UGT2B28: variants seen among roughly 807,000 people sequenced by gnomAD.
The protein encoded by UGT2B28 is UDP glucuronosyltransferase family 2 member B28.
In UGT2B28, 45 loss-of-function variants were observed where a neutral mutation model predicts 43.6. That is an observed-to-expected ratio of 1.03 (90% CI 0.81 to 1.32). The LOEUF is 1.32. Ranked by LOEUF, UGT2B28 falls within the 40% of genes most tolerant of loss-of-function variation. UGT2B28 has a pLI of 0.00. For synonymous variants in UGT2B28, 204 were observed against 208.1 expected (o/e 0.98, Z 0.17); for missense variants, 649 against 625.5 (o/e 1.04, Z -0.40).
rs1383844409 is a variant in UGT2B28, at chr4:69,291,877, C to T, written c.1310+1066C>T. Among the ~76,000 whole-genome samples, 3 of 139,822 alleles carry T rather than the reference C, an allele frequency of 2.1e-5. 1 individual carries two copies. The highest frequency in any genetic ancestry group is 8.4e-5 in the African/African-American group (3 of 35,786). The allele number at this position is 139,822 out of a possible 152,430, so 91.7% of individuals were successfully genotyped here. ...CAATTCCTCCACACTGTTGTCAAAC[C>T]CCTTATTGTCTGTCTTTTTGTTACA... is the stretch of plus-strand genomic sequence containing the variant. On this transcript the variant is annotated intron_variant, in intron 5 of 5. Coordinates refer to ENST00000335568, the MANE Select transcript of UGT2B28 (RefSeq NM_053039.2).
chr4:69,294,886 G>T lies in UGT2B28; in HGVS notation c.*77G>T. 5 of 1,362,800 alleles carry T rather than the reference G, an allele frequency of 3.7e-6. No homozygotes were observed. The highest frequency in any genetic ancestry group is 2.0e-5 in the South Asian group (1 of 50,796). 84.4% of individuals were successfully genotyped at this position (1,362,800 alleles called of 1,614,324 possible). ...TTATTCCAGCAAGAAAGAAAAGATT[G>T]TTATGCAAGATTTCTTTCTTCCTGT... is the stretch of plus-strand genomic sequence containing the variant. On this transcript the variant is annotated 3_prime_UTR_variant, in exon 6 of 6. Transcript: ENST00000335568.
Position 69,290,625 on chromosome 4 carries a change from G to A in UGT2B28, c.1124G>A (p.Gly375Asp), listed in dbSNP as rs746695234. 5.8e-6 allele frequency: 9 copies of A among 1,559,016 alleles called. 2 individuals are homozygous for A. The highest frequency in any genetic ancestry group is 4.6e-5 in the African/African-American group (3 of 65,862). Residue 375 changes from glycine to aspartate, a missense_variant, in exon 5 of 6, where the codon GGT (glycine) becomes GAT (aspartate). Physicochemically the swap from Gly to Asp is moderately conservative, Grantham distance 94. Transcript: ENST00000335568. ...AAAACCAGAGCTTTTATAACTCATG[G>A]TGGAGCCAATGGCATCTATGAGGCA... Reference protein sequence around the residue: ...LPKTRAFITHGGANGIYEAIY... With the variant: ...LPKTRAFITHDGANGIYEAIY...
At chr4:69,286,319 A>C (rs1426416957) in intron 2 of UGT2B28, among the ~76,000 whole-genome samples, 1 of 141,224 alleles carries the variant, frequency 7.1e-6, no homozygotes, top group Non-Finnish European at 1.5e-5. Flanking sequence ...AACTAAAAGA[A>C]TTCTACAGAA....
intron 2 of UGT2B28, among the ~76,000 whole-genome samples, chr4:69,284,514 G>A (rs1723712458): frequency 7.1e-6 from 1 of 140,058 alleles, no homozygotes; most frequent in Non-Finnish European, 1.5e-5. Context: ...AGAGACAAAA[G>A]CTGAGGTAAA....
At position 69,285,539 on chromosome 4, in the gene UGT2B28, C is replaced by T. The variant is rs546902508; in HGVS notation, c.871-1213C>T. On this transcript the variant is annotated intron_variant, in intron 2 of 5. Transcript: ENST00000335568. ...CAATCACACACAACACCTAGAAGCC[C>T]CAGGTATTACGTGGAATAGTAGTAC... Among the ~76,000 whole-genome samples, 295 of 139,434 alleles carry T rather than the reference C, an allele frequency of 2.1e-3. 65 individuals carry two copies. The highest frequency in any genetic ancestry group is 8.1e-3 in the African/African-American group (288 of 35,534). The allele number at this position is 139,434 out of a possible 152,430, so 91.5% of individuals were successfully genotyped here. A position where few individuals can be genotyped will look rare whatever the true frequency, so the allele number is the denominator to read the frequency against.
intron 2 of UGT2B28, 62 bp downstream of exon 2, chr4:69,282,724 T>C (rs977562300): frequency 6.6e-7 from 1 of 1,505,786 alleles, no homozygotes; most frequent in South Asian, 1.3e-5. Context: ...AATGAGTCTA[T>C]AGCCTTCATT....
intron 2 of UGT2B28, among the ~76,000 whole-genome samples, chr4:69,284,730 T>C (rs1326314571): frequency 7.1e-6 from 1 of 140,716 alleles, no homozygotes; most frequent in Non-Finnish European, 1.5e-5. Flanking sequence ...TGCAAGTCAA[T>C]GGTTGTGAAA....
At position 69,280,683 on chromosome 4, in the gene UGT2B28, C is replaced by A; in HGVS notation, c.183C>A (p.Ser61=). Residue 61 remains serine, a synonymous_variant, in exon 1 of 6, where the codon TCC becomes TCA. Coordinates refer to ENST00000335568, the MANE Select transcript of UGT2B28 (RefSeq NM_053039.2). ...TGACTGTACTGGCATCTTCAGCTTCCATTCTTTTTGATCCCAATGACGCAT... is the reference window on the plus strand; with the variant it reads ...TGACTGTACTGGCATCTTCAGCTTCAATTCTTTTTGATCCCAATGACGCAT... The part of the protein sequence containing the change: ...HEVTVLASSA[S]ILFDPNDAFT... The A allele has an allele frequency of 6.4e-7, 1 of 1,560,860 alleles. No homozygotes were observed. The highest frequency in any genetic ancestry group is 8.7e-7 in the Non-Finnish European group (1 of 1,156,000).
chr4:69,291,229 A>G (rs1221033476), intron 5 of UGT2B28, among the ~76,000 whole-genome samples: 1 of 140,128 alleles, frequency 7.1e-6, no homozygotes, highest in Non-Finnish European at 1.5e-5. Context: ...CAGACTTGAA[A>G]ATGAGATTTA....
rs1305068773 is a variant in UGT2B28, at chr4:69,294,068, T to G, written c.1311-462T>G. On this transcript the variant is annotated intron_variant, in intron 5 of 5. Coordinates refer to ENST00000335568, the MANE Select transcript of UGT2B28 (RefSeq NM_053039.2). ...AAAATGGCTCATGATGTTGAGCAGG[T>G]ACTCATATGCCTGTTTGAGAACTAA... 1.4e-5 allele frequency among the ~76,000 whole-genome samples: 2 copies of G among 140,310 alleles called. 1 individual carries two copies. The highest frequency in any genetic ancestry group is 5.6e-5 in the African/African-American group (2 of 35,860). 92.0% of individuals were successfully genotyped at this position (140,310 alleles called of 152,430 possible).
chr4:69,288,339 C>T lies in UGT2B28; in HGVS notation c.1003-1326C>T, dbSNP rs186116488. Among the ~76,000 whole-genome samples, 800 of 138,854 alleles carry T rather than the reference C, an allele frequency of 5.8e-3. 176 individuals carry two copies. Among genetic ancestry groups the T allele is most frequent in the African/African-American group, 0.022 (769 of 35,496 alleles). 91.1% of individuals were successfully genotyped at this position (138,854 alleles called of 152,430 possible). ...TTATTTTATAGACTTGCTATTTTGT[C>T]AATCAAAGGACAACAGGCTCTAATA... On this transcript the variant is annotated intron_variant, in intron 3 of 5. Coordinates refer to ENST00000335568, the MANE Select transcript of UGT2B28 (RefSeq NM_053039.2).
In UGT2B28 at chr4:69,281,143, A is replaced by T. The variant is rs756383423; in HGVS notation, c.643A>T (p.Ile215Phe). 10 of 1,555,564 alleles carry T rather than the reference A, an allele frequency of 6.4e-6. 2 individuals are homozygous for T. The Admixed American group carries it at 1.8e-4, about 28-fold the overall frequency. ...TTTCATGGAGAGGGTAAAAAACATG[A>T]TCTATGTGCTTTATTTTGACTTTTG... Reference protein sequence around the residue: ...MTFMERVKNMIYVLYFDFWFQ... With the variant: ...MTFMERVKNMFYVLYFDFWFQ... The change falls in exon 1 of 6, where the codon ATC (isoleucine) becomes TTC (phenylalanine). Residue 215 changes from isoleucine (I) to phenylalanine (F), a missense_variant. Physicochemically the swap from Ile to Phe is conservative, Grantham distance 21. Coordinates refer to ENST00000335568, the MANE Select transcript of UGT2B28 (RefSeq NM_053039.2).
In UGT2B28 at chr4:69,294,887, T is replaced by G; in HGVS notation, c.*78T>G. The G allele has an allele frequency of 7.2e-7, 1 of 1,384,302 alleles. No homozygotes were observed. Among genetic ancestry groups the G allele is most frequent in the East Asian group, 2.5e-5 (1 of 39,928 alleles). 85.8% of individuals were successfully genotyped at this position (1,384,302 alleles called of 1,614,324 possible). ...TATTCCAGCAAGAAAGAAAAGATTGTTATGCAAGATTTCTTTCTTCCTGTG... is the reference window on the plus strand; with the variant it reads ...TATTCCAGCAAGAAAGAAAAGATTGGTATGCAAGATTTCTTTCTTCCTGTG... On this transcript the variant is annotated 3_prime_UTR_variant, in exon 6 of 6. Transcript: ENST00000335568.
intron 5 of UGT2B28, among the ~76,000 whole-genome samples, chr4:69,293,312 C>T (rs1281069336): frequency 7.1e-6 from 1 of 140,242 alleles, no homozygotes; most frequent in East Asian, 2.0e-4. Context: ...TAGCCTATAC[C>T]ACGACCTGAA....
chr4:69,283,062 T>C lies in UGT2B28; in HGVS notation c.870+400T>C, dbSNP rs1288557964. On this transcript the variant is annotated intron_variant, in intron 2 of 5. Coordinates refer to ENST00000335568, the MANE Select transcript of UGT2B28 (RefSeq NM_053039.2). ...CATTCTACTTTGAAATATAGAAAAG[T>C]AACTAATGAAAATGTTTTAAAAAAC... Among the ~76,000 whole-genome samples the C allele has an allele frequency of 2.9e-5, 4 of 140,284 alleles. 1 individual carries two copies. The highest frequency in any genetic ancestry group is 1.1e-4 in the African/African-American group (4 of 35,932). 92.0% of individuals were successfully genotyped at this position (140,284 alleles called of 152,430 possible). A position where few individuals can be genotyped will look rare whatever the true frequency, so the allele number is the denominator to read the frequency against.
intron 2 of UGT2B28, among the ~76,000 whole-genome samples, chr4:69,284,444 T>C (rs553086992): frequency 7.1e-6 from 1 of 140,700 alleles, no homozygotes; most frequent in Non-Finnish European, 1.5e-5. Context: ...TATTCCATTG[T>C]TAAAACTCAG....
At chr4:69,292,008 A>G (rs1723968539) in intron 5 of UGT2B28, among the ~76,000 whole-genome samples, 1 of 140,312 alleles carries the variant, frequency 7.1e-6, no homozygotes, top group African/African-American at 2.8e-5. Context: ...GATCATTCAT[A>G]TATCTTCTTA....
At position 69,294,714 on chromosome 4, in the gene UGT2B28, G is replaced by T; in HGVS notation, c.1495G>T (p.Ala499Ser). Residue 499 changes from alanine to serine, a missense_variant, in exon 6 of 6, where the codon GCC becomes TCC. Physicochemically the swap from Ala to Ser is moderately conservative, Grantham distance 99 (BLOSUM62 1). Transcript: ENST00000335568. The part of the protein sequence containing the change: ...HSLDVIGFLL[A>S]CVATVIFVVT... ...TTTGGATGTGATTGGGTTTCTGCTG[G>T]CCTGTGTGGCAACTGTGATATTTGT... is the stretch of plus-strand genomic sequence containing the variant. 5.1e-6 allele frequency: 8 copies of T among 1,559,786 alleles called. 1 individual carries two copies. Among genetic ancestry groups the T allele is most frequent in the Non-Finnish European group, 6.9e-6 (8 of 1,155,380 alleles).
intron 5 of UGT2B28, among the ~76,000 whole-genome samples, chr4:69,294,077 G>A (rs1724030450): frequency 7.2e-6 from 1 of 139,628 alleles, no homozygotes; most frequent in Non-Finnish European, 1.5e-5. Flanking sequence ...GTACTCATAT[G>A]CCTGTTTGAG....
Sources: allele counts gnomAD v4.1 joint callset (sites outside exome capture counted in the v4.1 genomes callset), GRCh38; gene constraint gnomAD v4.1.1; transcripts MANE v1.5; gene names NCBI Gene and HGNC (gene_info 2026-07-23, HGNC 2026-07-21).